Variants in RTN4 observed in about 807,000 individuals in gnomAD.
RTN4 encodes the protein reticulon 4.
RTN4 carries 32 observed loss-of-function variants against 90.4 expected under a neutral mutation model. That is an observed-to-expected ratio of 0.35 (90% CI 0.27 to 0.48). RTN4 has a LOEUF of 0.48. Ranked by LOEUF, RTN4 falls within the 20% of genes least tolerant of loss-of-function variation. RTN4 has a pLI of 0.99. For missense variants in RTN4, 1,706 were observed against 1,430.2 expected, an observed-to-expected ratio of 1.19 and a Z score of -3.11; for synonymous variants, 629 against 552.5, an observed-to-expected ratio of 1.14 and a Z score of -1.94.
intron 2 of RTN4, among the ~76,000 whole-genome samples, chr2:55,065,670 TAC>T (rs1170400654): frequency 1.3e-5 from 2 of 151,998 alleles, no homozygotes; most frequent in Non-Finnish European, 2.9e-5. Context: ...GGTACACACA[TAC>T]ACACACACGC....
the RTN4 span, among the ~76,000 whole-genome samples, chr2:55,130,396 T>A: frequency 4.6e-5 from 7 of 151,986 alleles, no homozygotes; most frequent in Admixed American, 2.0e-4. Flanking sequence ...GTATGTGAGG[T>A]GATGGATATG....
chr2:55,071,144 T>A (rs539230846), intron 2 of RTN4, among the ~76,000 whole-genome samples: 3 of 150,960 alleles, frequency 2.0e-5, no homozygotes, highest in African/African-American at 7.3e-5. Flanking sequence ...TTCCTGGAAA[T>A]GGTTTCAAAT....
the RTN4 span, among the ~76,000 whole-genome samples, chr2:55,127,660 G>C: frequency 4.3e-3 from 662 of 152,324 alleles, 3 homozygotes; most frequent in South Asian, 0.019. Context: ...TTGAGGCCTT[G>C]GCTCACTGAT....
intron 3 of RTN4, among the ~76,000 whole-genome samples, chr2:54,994,215 T>G (rs1376704952): frequency 3.3e-5 from 5 of 152,202 alleles, no homozygotes; most frequent in Admixed American, 6.5e-5. Context: ...TAATTTAGAT[T>G]TATTAGTTAA....
chr2:54,997,113 C>T (rs1481405654), intron 3 of RTN4, among the ~76,000 whole-genome samples: 1 of 152,050 alleles, frequency 6.6e-6, no homozygotes, highest in Admixed American at 6.6e-5. Flanking sequence ...CACTTGCAAA[C>T]CAATTCTCTG....
At chr2:54,986,276 C>T (rs903625554) in intron 4 of RTN4, among the ~76,000 whole-genome samples, 3 of 152,006 alleles carry the variant, frequency 2.0e-5, no homozygotes, top group African/African-American at 4.8e-5. Context: ...TGAAGTAATC[C>T]GAGGTAACTA....
the RTN4 span, among the ~76,000 whole-genome samples, chr2:55,119,156 C>CG: frequency 6.6e-6 from 1 of 152,172 alleles, no homozygotes; most frequent in Non-Finnish European, 1.5e-5. Context: ...AGAATCCTTG[C>CG]GGGTTTTTTG....
chr2:55,068,410 T>C (rs1194147872), intron 2 of RTN4, among the ~76,000 whole-genome samples: 2 of 152,118 alleles, frequency 1.3e-5, no homozygotes, highest in African/African-American at 2.4e-5. Flanking sequence ...ATATTAATCA[T>C]ATCATCATTT....
chr2:55,020,574 TTCA>T (rs1681355394), intron 3 of RTN4, among the ~76,000 whole-genome samples: 1 of 152,188 alleles, frequency 6.6e-6, no homozygotes, highest in Non-Finnish European at 1.5e-5. Flanking sequence ...AAGACCAGAA[TTCA>T]TTAGTTTCTT....
At chr2:55,124,061 C>A in the RTN4 span, among the ~76,000 whole-genome samples, 2 of 152,196 alleles carry the variant, frequency 1.3e-5, no homozygotes, top group Non-Finnish European at 2.9e-5. Flanking sequence ...AGTCACAGGA[C>A]TCTTCTCCGT....
At chr2:55,077,786 C>CAG (rs1668630393) in intron 2 of RTN4, among the ~76,000 whole-genome samples, 1 of 151,822 alleles carries the variant, frequency 6.6e-6, no homozygotes, top group African/African-American at 2.4e-5. Flanking sequence ...CACACACACA[C>CAG]ACACACAGAC....
At chr2:55,069,429 C>A (rs983429175) in intron 2 of RTN4, among the ~76,000 whole-genome samples, 2 of 152,170 alleles carry the variant, frequency 1.3e-5, no homozygotes, top group East Asian at 3.8e-4. Flanking sequence ...TTAGTAAATT[C>A]AACTCTGCCA....
At position 55,050,226 on chromosome 2, in the gene RTN4, G is replaced by A. The variant is rs765161148; in HGVS notation, c.75C>T (p.Tyr25=). 2.6e-6 allele frequency: 4 copies of A among 1,558,132 alleles called. No homozygotes were observed. The highest frequency in any genetic ancestry group is 3.5e-6 in the Non-Finnish European group (4 of 1,154,432). ...CGTCCTCGGGCTCCCTCACGAACTG[G>A]TACTTGAACGCGGGCTGCGGCCGGG... ...SPPRPQPAFK[Y]QFVREPEDEE... is the part of the protein sequence containing the mutation. The change falls in exon 1 of 9, where the codon TAC becomes TAT. Residue 25 remains tyrosine, a synonymous_variant. Coordinates refer to ENST00000337526, the MANE Select transcript of RTN4 (RefSeq NM_020532.5). This position sits in a 1 kb window ranked among gnomAD's most constrained non-coding sequence, Gnocchi z 4.6.
At chr2:55,010,716 T>C (rs1218920763) in intron 3 of RTN4, among the ~76,000 whole-genome samples, 1 of 152,204 alleles carries the variant, frequency 6.6e-6, no homozygotes, top group Non-Finnish European at 1.5e-5. Context: ...ACATTCAGCA[T>C]TTTGCACCTT....
chr2:54,997,769 G>A (rs1679545945), intron 3 of RTN4, among the ~76,000 whole-genome samples: 1 of 152,168 alleles, frequency 6.6e-6, no homozygotes, highest in Non-Finnish European at 1.5e-5. Context: ...AATTAGGTGA[G>A]TATAGTACAA....
chr2:55,134,999 T>C, the RTN4 span, among the ~76,000 whole-genome samples: 1 of 152,086 alleles, frequency 6.6e-6, no homozygotes, highest in Non-Finnish European at 1.5e-5. Flanking sequence ...CCAGGCATGG[T>C]GGCTCACACC....
chr2:55,094,464 G>T (rs370695768), intron 1 of RTN4, among the ~76,000 whole-genome samples: 1 of 152,176 alleles, frequency 6.6e-6, no homozygotes, highest in Non-Finnish European at 1.5e-5. Context: ...GTACTGTTGC[G>T]CAGTGAAGTA....
At chr2:55,034,629 T>C (rs868612713) in intron 1 of RTN4, among the ~76,000 whole-genome samples, 11 of 152,206 alleles carry the variant, frequency 7.2e-5, no homozygotes, top group African/African-American at 2.7e-4. Context: ...TTAAATCAAG[T>C]TCTTCAGACT....
At chr2:55,017,539 A>G (rs1681130775) in intron 3 of RTN4, among the ~76,000 whole-genome samples, 1 of 152,216 alleles carries the variant, frequency 6.6e-6, no homozygotes, top group Non-Finnish European at 1.5e-5. Flanking sequence ...CAATTAGTTC[A>G]GCAAGACACA....
Sources: gnomAD v4.1 joint callset for allele counts (sites outside exome capture counted in the v4.1 genomes callset) on GRCh38, gnomAD v4.1.1 for gene constraint, Gnocchi (gnomAD v3.1) non-coding constraint, MANE v1.5 for transcripts, NCBI Gene and HGNC (gene_info 2026-07-23, HGNC 2026-07-21) for gene names.